Variants in ZNF391 observed in about 807,000 individuals in gnomAD.
ZNF391 encodes the protein zinc finger protein 391.
For missense variants in ZNF391, 375 were observed against 425.5 expected, an observed-to-expected ratio of 0.88 and a Z score of 1.04; for synonymous variants, 126 against 142.1, an observed-to-expected ratio of 0.89 and a Z score of 0.80.
At chr6:27,378,361 G>A (rs183808235) in intron 1 of ZNF391, among the ~76,000 whole-genome samples, 4 of 152,066 alleles carry the variant, frequency 2.6e-5, no homozygotes, top group South Asian at 4.1e-4. Flanking sequence ...GAGAGTCAGC[G>A]AAGGGAGATA....
chr6:27,388,515 C>A (rs757275372), upstream of ZNF391, among the ~76,000 whole-genome samples: 3 of 152,140 alleles, frequency 2.0e-5, no homozygotes, highest in Non-Finnish European at 4.4e-5. Flanking sequence ...TATTTGTGTA[C>A]GCTATTTAAA....
rs1051204762 is a variant in ZNF391 at position 27,380,749 on chromosome 6, A to T, written n.523+5612A>T. 6.2e-5 allele frequency among the ~76,000 whole-genome samples: 9 copies of T among 146,126 alleles called. 1 individual carries two copies. The highest frequency in any genetic ancestry group is 1.2e-4 in the Non-Finnish European group (8 of 66,232). On this transcript the variant is annotated intron_variant and non_coding_transcript_variant, in intron 1 of 2. Transcript: ENST00000477999. Reference sequence around the variant, plus strand: ...AGCTAGATACAGAGGGTTGACACAAAGGTTCTCCACGTCCCCACCAGATTA... The same window carrying T: ...AGCTAGATACAGAGGGTTGACACAATGGTTCTCCACGTCCCCACCAGATTA...
chr6:27,391,840 T>A (rs2113650905), intron 1 of ZNF391, among the ~76,000 whole-genome samples: 1 of 152,334 alleles, frequency 6.6e-6, no homozygotes, highest in African/African-American at 2.4e-5. Flanking sequence ...TAATTCATCA[T>A]TAGATGATTA....
upstream of ZNF391, among the ~76,000 whole-genome samples, chr6:27,384,971 G>A (rs71559024): frequency 0.09 from 13,367 of 149,018 alleles, 757 homozygotes; most frequent in African/African-American, 0.15. Context: ...AGCCAAGATC[G>A]CGCCACTGCA....
At chr6:27,397,560 A>G (rs1046590506) in intron 1 of ZNF391, among the ~76,000 whole-genome samples, 1 of 152,230 alleles carries the variant, frequency 6.6e-6, no homozygotes, top group African/African-American at 2.4e-5. Context: ...GAGCTACAAG[A>G]ATGGAAGCCA....
intron 2 of ZNF391, among the ~76,000 whole-genome samples, chr6:27,400,028 G>A (rs1238285745): frequency 6.6e-6 from 1 of 151,968 alleles, no homozygotes; most frequent in African/African-American, 2.4e-5. Flanking sequence ...TGGTACACCT[G>A]CTCATTTCCA....
upstream of ZNF391, among the ~76,000 whole-genome samples, chr6:27,388,169 A>G (rs1208046203): frequency 5.3e-5 from 8 of 152,120 alleles, no homozygotes; most frequent in Non-Finnish European, 1.2e-4. Flanking sequence ...CCCTCGTTCC[A>G]TAAGTTTCCC....
At chr6:27,391,747 G>T (rs575755487) in intron 1 of ZNF391, among the ~76,000 whole-genome samples, 8 of 152,148 alleles carry the variant, frequency 5.3e-5, no homozygotes, top group Non-Finnish European at 1.2e-4. Context: ...TCCGTTCTTA[G>T]ATGAGTCTGC....
chr6:27,383,654 C>A (rs1162104658), intron 1 of ZNF391, among the ~76,000 whole-genome samples: 1 of 152,112 alleles, frequency 6.6e-6, no homozygotes, highest in Non-Finnish European at 1.5e-5. Context: ...TATAAGGGCA[C>A]TAATCCTATT....
chr6:27,401,989 G>A lies in ZNF391; in HGVS notation c.*542G>A, dbSNP rs530778658. ...ACTGAAAACTTCTCACCAGTCTGGG[G>A]ATAATAGTGTTGAGGCAAATTCATT... On this transcript the variant is annotated 3_prime_UTR_variant, in exon 3 of 3. Transcript: ENST00000244576. 6.6e-6 allele frequency: 1 copy of A among 152,412 alleles called. No homozygotes were observed. Among genetic ancestry groups the A allele is most frequent in the East Asian group, 1.9e-4 (1 of 5,182 alleles). The allele number at this position is 152,412 out of a possible 1,614,324, so 9.4% of individuals were successfully genotyped here. A position where few individuals can be genotyped will look rare whatever the true frequency, so the allele number is the denominator to read the frequency against.
At position 27,401,137 on chromosome 6, in the gene ZNF391, A is replaced by G; in HGVS notation, c.767A>G (p.Lys256Arg). Residue 256 changes from lysine to arginine, a missense_variant, in exon 3 of 3, where the codon AAA (lysine) becomes AGA (arginine). Physicochemically the swap from Lys to Arg is conservative, Grantham distance 26 (BLOSUM62 2). Transcript: ENST00000244576. ...CCCTATGAATGCAGTAAATGTGGAA[A>G]AGCTTTCAGTTGGATCTCATCGCTT... ...ENPYECSKCG[K>R]AFSWISSLTE... 1 of 1,614,238 alleles carries G rather than the reference A, an allele frequency of 6.2e-7. No individual in the cohort carries two copies.
chr6:27,381,859 C>T (rs1359812218), intron 1 of ZNF391, among the ~76,000 whole-genome samples: 2 of 152,008 alleles, frequency 1.3e-5, no homozygotes, highest in Non-Finnish European at 2.9e-5. Flanking sequence ...ATGGTGAAAC[C>T]TTGTCTCTAC....
intron 1 of ZNF391, among the ~76,000 whole-genome samples, chr6:27,383,701 A>G (rs1761541931): frequency 2.0e-5 from 3 of 152,158 alleles, no homozygotes; most frequent in African/African-American, 4.8e-5. Context: ...ATCTAATCCT[A>G]GTTACTTCCT....
At position 27,376,128 on chromosome 6, in the gene ZNF391, C is replaced by T. The variant is rs980698433; in HGVS notation, n.523+991C>T. On this transcript the variant is annotated intron_variant and non_coding_transcript_variant, in intron 1 of 2. Transcript: ENST00000477999. The surrounding 1 kb of genome is among the most constrained non-coding windows in gnomAD (Gnocchi z 4.7). The stretch of plus-strand genomic sequence containing the variant: ...ATTTTCCTGCCTCAATAATCACTCT[C>T]TTTAAATGTTTATTGTTTCCTTATC... Among the ~76,000 whole-genome samples the T allele has an allele frequency of 6.6e-6, 1 of 152,156 alleles. No homozygotes were observed. The highest frequency in any genetic ancestry group is 2.4e-5 in the African/African-American group (1 of 41,426).
chr6:27,379,123 A>G (rs1158586409), intron 1 of ZNF391, among the ~76,000 whole-genome samples: 2 of 152,252 alleles, frequency 1.3e-5, no homozygotes, highest in Admixed American at 1.3e-4. Flanking sequence ...CAGCTGTGCT[A>G]AAACTACAAG....
rs148829277 is a variant in ZNF391, at chr6:27,382,998, T to C, written n.523+7861T>C. Among the ~76,000 whole-genome samples the C allele has an allele frequency of 4.3e-3, 659 of 152,024 alleles. 3 individuals are homozygous for C. The highest frequency in any genetic ancestry group is 0.021 in the Middle Eastern group (6 of 292). On this transcript the variant is annotated intron_variant and non_coding_transcript_variant, in intron 1 of 2. Coordinates refer to the ZNF391 transcript ENST00000477999. ...AGCTGGGCATGGTGGTGCATGCCTG[T>C]AGTCCCAGCTACTCAGGAGGCTGAG... is the stretch of plus-strand genomic sequence containing the variant.
chr6:27,378,810 C>T (rs1411491626), intron 1 of ZNF391, among the ~76,000 whole-genome samples: 1 of 152,108 alleles, frequency 6.6e-6, no homozygotes, highest in African/African-American at 2.4e-5. Flanking sequence ...TGCATGGTGG[C>T]ATGTGCCTAT....
chr6:27,401,609 T>C lies in ZNF391; in HGVS notation c.*162T>C, dbSNP rs761748111. Reference sequence around the variant, plus strand: ...TTCGTTCTTTCCATCCATCTATCCTTCTTTCGTCTCCCCTCCCTTCTTCCC... The same window carrying C: ...TTCGTTCTTTCCATCCATCTATCCTCCTTTCGTCTCCCCTCCCTTCTTCCC... On this transcript the variant is annotated 3_prime_UTR_variant, in exon 3 of 3. Coordinates refer to ENST00000244576, the MANE Select transcript of ZNF391 (RefSeq NM_001076781.3). 7.6e-5 allele frequency: 38 copies of C among 499,974 alleles called. No individual in the cohort carries two copies. Among genetic ancestry groups the C allele is most frequent in the Non-Finnish European group, 1.2e-4 (36 of 294,174 alleles). 31.0% of individuals were successfully genotyped at this position (499,974 alleles called of 1,614,324 possible).
chr6:27,401,087 T>A lies in ZNF391; in HGVS notation c.717T>A (p.His239Gln). The A allele has an allele frequency of 6.2e-7, 1 of 1,614,202 alleles. No homozygotes were observed. Among genetic ancestry groups the A allele is most frequent in the Non-Finnish European group, 8.5e-7 (1 of 1,180,042 alleles). ...AFGDRSTIIQHQRIHTGENPY... is the reference protein window; with the variant it reads ...AFGDRSTIIQQQRIHTGENPY... Reference sequence around the variant, plus strand: ...GTGACCGTTCAACCATAATTCAGCATCAACGAATACACACTGGAGAGAATC... The same window carrying A: ...GTGACCGTTCAACCATAATTCAGCAACAACGAATACACACTGGAGAGAATC... Residue 239 changes from histidine to glutamine, a missense_variant, in exon 3 of 3, where the codon CAT becomes CAA. By Grantham distance (24) the His-to-Gln change is conservative (BLOSUM62 0). Coordinates refer to ENST00000244576, the MANE Select transcript of ZNF391 (RefSeq NM_001076781.3).
Sources: gnomAD v4.1 joint callset for allele counts (sites outside exome capture counted in the v4.1 genomes callset) on GRCh38, gnomAD v4.1.1 for gene constraint, Gnocchi (gnomAD v3.1) non-coding constraint, MANE v1.5 for transcripts, NCBI Gene and HGNC (gene_info 2026-07-23, HGNC 2026-07-21) for gene names.